The following GABBR2 variants were observed in gnomAD, a reference collection of about 807,000 sequenced individuals.
GABBR2 encodes the protein gamma-aminobutyric acid type B receptor subunit 2, also known as G-protein coupled receptor 51.
A neutral mutation model predicts 105.6 loss-of-function variants in GABBR2; 23 were observed. The observed-to-expected ratio is 0.22, with a 90% CI of 0.16 to 0.31. The LOEUF (loss-of-function observed/expected upper bound fraction) is 0.31, where lower values mean the gene tolerates loss of function less well. Among genes scored for constraint, GABBR2 ranks in the 10% least tolerant of loss-of-function variants. The pLI is 1.00. For missense variants in GABBR2, 734 were observed against 1,245.5 expected, an observed-to-expected ratio of 0.59 and a Z score of 6.18; for synonymous variants, 478 against 499.7, an observed-to-expected ratio of 0.96 and a Z score of 0.58.
At chr9:98,706,162 T>G (rs916274448) in intron 1 of GABBR2, among the ~76,000 whole-genome samples, 3 of 150,948 alleles carry the variant, frequency 2.0e-5, no homozygotes, top group Non-Finnish European at 4.4e-5. Flanking sequence ...CAGGACACAT[T>G]TATTTAGTGC....
intron 1 of GABBR2, among the ~76,000 whole-genome samples, chr9:98,662,963 A>G (rs1374589754): frequency 6.6e-6 from 1 of 152,146 alleles, no homozygotes; most frequent in South Asian, 2.1e-4. Context: ...GATATGTGGG[A>G]CTGAATTGTG....
chr9:98,410,439 G>A (rs1832566570), intron 7 of GABBR2, among the ~76,000 whole-genome samples: 1 of 151,704 alleles, frequency 6.6e-6, no homozygotes, highest in South Asian at 2.1e-4. Flanking sequence ...CCTGCCAGCT[G>A]GTTTCCATTT....
intron 8 of GABBR2, among the ~76,000 whole-genome samples, chr9:98,401,857 A>G (rs182434325): frequency 4.1e-4 from 62 of 152,324 alleles, no homozygotes; most frequent in African/African-American, 1.2e-3. Flanking sequence ...CGGGGACTGT[A>G]TCTTATTCAA....
At chr9:98,461,809 A>G (rs1826429452) in intron 6 of GABBR2, among the ~76,000 whole-genome samples, 1 of 152,232 alleles carries the variant, frequency 6.6e-6, no homozygotes, top group South Asian at 2.1e-4. Flanking sequence ...GAAGCTTTCA[A>G]TCATGGCAGA....
intron 3 of GABBR2, among the ~76,000 whole-genome samples, chr9:98,536,751 C>T (rs916099811): frequency 2.0e-5 from 3 of 152,112 alleles, no homozygotes; most frequent in African/African-American, 4.8e-5. Flanking sequence ...AGTTCCTTAC[C>T]GCAGCCCCTC....
At chr9:98,563,637 A>T (rs1409866949) in intron 2 of GABBR2, among the ~76,000 whole-genome samples, 1 of 152,206 alleles carries the variant, frequency 6.6e-6, no homozygotes. Context: ...ATGTTAGAAG[A>T]GGCTAAGACA....
In GABBR2 at chr9:98,607,093, G is replaced by T. The variant is rs1829436370; in HGVS notation, c.322-29021C>A. On this transcript the variant is annotated intron_variant, in intron 1 of 18. Coordinates refer to ENST00000259455, the MANE Select transcript of GABBR2 (RefSeq NM_005458.8). ...GTTAAGAGATCTGGTTTTGATTCAC[G>T]CTATGGTAGTGGGTGGAACAATCCA... 3.8e-6 allele frequency: 6 copies of T among 1,586,766 alleles called. No individual in the cohort carries two copies. In the East Asian group the frequency reaches 1.1e-4, roughly 30 times the overall value.
At chr9:98,659,105 A>G (rs982814219) in intron 1 of GABBR2, among the ~76,000 whole-genome samples, 5 of 152,340 alleles carry the variant, frequency 3.3e-5, no homozygotes, top group Middle Eastern at 3.4e-3. Flanking sequence ...TTTAGATATC[A>G]TGGGTCATGA....
intron 7 of GABBR2, among the ~76,000 whole-genome samples, chr9:98,450,485 C>G (rs1826212177): frequency 6.6e-6 from 1 of 152,144 alleles, no homozygotes; most frequent in African/African-American, 2.4e-5. Context: ...AGGACTGTTT[C>G]ACTGTTGCGG....
intron 5 of GABBR2, among the ~76,000 whole-genome samples, chr9:98,478,002 A>G (rs985843580): frequency 6.6e-6 from 1 of 152,206 alleles, no homozygotes; most frequent in Non-Finnish European, 1.5e-5. Flanking sequence ...CAGAACCCAC[A>G]TTAGAGTGCT....
At chr9:98,515,692 A>G (rs931664798) in intron 3 of GABBR2, among the ~76,000 whole-genome samples, 1 of 149,522 alleles carries the variant, frequency 6.7e-6, no homozygotes, top group Admixed American at 6.7e-5. Flanking sequence ...CCTTCCCTCC[A>G]CTCCCCCTCT....
At position 98,390,375 on chromosome 9, in the gene GABBR2, C is replaced by CAAAAAAAAAAAAAAAAAAAAAA. The variant is rs61216428; in HGVS notation, c.1379-1393_1379-1372dup. ...GGTGACAGAGCAAGACTCCATCTCACAAAAAAAAAAAAAAAAAAAAAAAAA... is the reference window on the plus strand; with the variant it reads ...GGTGACAGAGCAAGACTCCATCTCACAAAAAAAAAAAAAAAAAAAAAAAAAAAAAAAAAAAAAAAAAAAAAAA... On this transcript the variant is annotated intron_variant, in intron 9 of 18. Coordinates refer to ENST00000259455, the MANE Select transcript of GABBR2 (RefSeq NM_005458.8). 1.8e-4 allele frequency among the ~76,000 whole-genome samples: 6 copies of CAAAAAAAAAAAAAAAAAAAAAA among 32,438 alleles called. 1 individual carries two copies. Among genetic ancestry groups the CAAAAAAAAAAAAAAAAAAAAAA allele is most frequent in the African/African-American group, 6.0e-4 (6 of 9,948 alleles). The allele number at this position is 32,438 out of a possible 152,430, so 21.3% of individuals were successfully genotyped here.
chr9:98,659,496 T>TAA lies in GABBR2; in HGVS notation c.321+48919_321+48920dup, dbSNP rs758485097. ...ATATTATTTCTTCTTCTTTTTTTTT[T>TAA]AAACAACCTTTTTTCTTTTCTTTTC... On this transcript the variant is annotated intron_variant, in intron 1 of 18. Transcript: ENST00000259455. Among the ~76,000 whole-genome samples, 450 of 141,126 alleles carry TAA rather than the reference T, an allele frequency of 3.2e-3. 2 individuals are homozygous for TAA. The highest frequency in any genetic ancestry group is 0.018 in the Middle Eastern group (5 of 272). 92.6% of individuals were successfully genotyped at this position (141,126 alleles called of 152,430 possible).
At chr9:98,703,268 A>G (rs1238514458) in intron 1 of GABBR2, among the ~76,000 whole-genome samples, 1 of 152,170 alleles carries the variant, frequency 6.6e-6, no homozygotes, top group Non-Finnish European at 1.5e-5. Flanking sequence ...ATTTTTAAAG[A>G]TATCATTTGA....
intron 1 of GABBR2, among the ~76,000 whole-genome samples, chr9:98,648,111 GTGTGT>G (rs1325450061): frequency 7.9e-4 from 42 of 52,850 alleles, no homozygotes; most frequent in Non-Finnish European, 1.3e-3. Flanking sequence ...GTGTGTGTGT[GTGTGT>G]ATAGATAGAT....
At chr9:98,441,567 C>CA (rs1826031712) in intron 7 of GABBR2, among the ~76,000 whole-genome samples, 1 of 152,142 alleles carries the variant, frequency 6.6e-6, no homozygotes, top group African/African-American at 2.4e-5. Context: ...AGGGTTTCAC[C>CA]TGTTGGCTAG....
At chr9:98,540,134 G>A (rs1391700965) in intron 3 of GABBR2, among the ~76,000 whole-genome samples, 1 of 152,108 alleles carries the variant, frequency 6.6e-6, no homozygotes, top group Non-Finnish European at 1.5e-5. Flanking sequence ...TCCCGCTGGA[G>A]GTCAAGTTCC....
At chr9:98,660,191 T>C (rs1439100861) in intron 1 of GABBR2, among the ~76,000 whole-genome samples, 1 of 152,232 alleles carries the variant, frequency 6.6e-6, no homozygotes, top group Non-Finnish European at 1.5e-5. Flanking sequence ...TTCACTATAA[T>C]AGATAATACT....
At chr9:98,394,348 C>A in intron 8 of GABBR2, 93 bp from the exon 9 acceptor site, 1 of 837,532 alleles carries the variant, frequency 1.2e-6, no homozygotes, top group East Asian at 2.4e-5. Flanking sequence ...CTCACAGGCC[C>A]TGGATATATT....
Sources: allele counts gnomAD v4.1 joint callset (sites outside exome capture counted in the v4.1 genomes callset), GRCh38; gene constraint gnomAD v4.1.1; transcripts MANE v1.5; gene names NCBI Gene and HGNC (gene_info 2026-07-23, HGNC 2026-07-21).